GALNT2: variants seen among roughly 807,000 people sequenced by gnomAD.
GALNT2 encodes the protein UDP-GalNAc:polypeptide N-acetylgalactosaminyltransferase 2.
GALNT2 carries 31 observed loss-of-function variants against 81.4 expected under a neutral mutation model. The ratio of observed to expected loss-of-function variants is 0.38; its 90% CI spans 0.29 to 0.51. The LOEUF is 0.51. Ranked by LOEUF, GALNT2 falls within the 20% of genes least tolerant of loss-of-function variation. The pLI is 0.87. For missense variants in GALNT2, 629 were observed against 765.7 expected (o/e 0.82, Z 2.11); for synonymous variants, 303 against 287.4 (o/e 1.05, Z -0.55).
chr1:230,068,817 T>C (rs2102739976), intron 1 of GALNT2, among the ~76,000 whole-genome samples: 1 of 152,318 alleles, frequency 6.6e-6, no homozygotes, highest in South Asian at 2.1e-4. Flanking sequence ...GACATTGTAC[T>C]CTTAGCGTTG....
At chr1:230,085,136 G>C (rs1659860813) in intron 1 of GALNT2, among the ~76,000 whole-genome samples, 1 of 152,126 alleles carries the variant, frequency 6.6e-6, no homozygotes, top group Non-Finnish European at 1.5e-5. Flanking sequence ...GCTCTCTTTA[G>C]CAAAAGTTTT....
At chr1:230,068,011 C>A (rs1461334224) in intron 1 of GALNT2, among the ~76,000 whole-genome samples, 1 of 152,192 alleles carries the variant, frequency 6.6e-6, no homozygotes, top group Non-Finnish European at 1.5e-5. Context: ...TGCGCCCCTG[C>A]GCCCCGAGCG....
At chr1:230,178,745 A>G (rs1021300854) in intron 2 of GALNT2, among the ~76,000 whole-genome samples, 5 of 151,928 alleles carry the variant, frequency 3.3e-5, no homozygotes, top group Non-Finnish European at 7.4e-5. Flanking sequence ...CATTTGTTAC[A>G]ATCCATGAAC....
chr1:230,176,914 G>T (rs569111885), intron 1 of GALNT2, among the ~76,000 whole-genome samples: 1 of 152,316 alleles, frequency 6.6e-6, no homozygotes, highest in Non-Finnish European at 1.5e-5. Context: ...TGGACCCCCG[G>T]CTGCAGAATG....
In GALNT2 at chr1:230,275,199, CAT is replaced by C. The variant is rs1370026436; in HGVS notation, c.1560+643_1560+644del. Among the ~76,000 whole-genome samples the C allele has an allele frequency of 6.6e-6, 1 of 151,248 alleles. No homozygotes were observed. Among genetic ancestry groups the C allele is most frequent in the Non-Finnish European group, 1.5e-5 (1 of 67,786 alleles). ...CACATATATACATATATAAACACCA[CAT>C]ATATATACATATGCATGCCACATAT... On this transcript the variant is annotated intron_variant, in intron 15 of 15. Coordinates refer to ENST00000366672, the MANE Select transcript of GALNT2 (RefSeq NM_004481.5). This position sits in a 1 kb window ranked among gnomAD's most constrained non-coding sequence, Gnocchi z 5.5.
intron 14 of GALNT2, among the ~76,000 whole-genome samples, chr1:230,272,310 G>A (rs1343235945): frequency 2.0e-5 from 3 of 152,094 alleles, no homozygotes; most frequent in Non-Finnish European, 4.4e-5. Flanking sequence ...GAAGGTGGCC[G>A]GCAGGGCTGG....
At chr1:230,112,687 A>G (rs1351745290) in intron 1 of GALNT2, among the ~76,000 whole-genome samples, 3 of 148,376 alleles carry the variant, frequency 2.0e-5, no homozygotes, top group Admixed American at 6.9e-5. Flanking sequence ...AGGAGGAGGG[A>G]GAGGGTGGCT....
At chr1:230,123,222 A>G (rs1661074193) in intron 1 of GALNT2, among the ~76,000 whole-genome samples, 1 of 152,240 alleles carries the variant, frequency 6.6e-6, no homozygotes. Flanking sequence ...GACCAAGAAC[A>G]AAATTTCCAA....
intron 1 of GALNT2, among the ~76,000 whole-genome samples, chr1:230,110,736 A>G (rs1325060626): frequency 8.6e-6 from 1 of 115,928 alleles, no homozygotes. Flanking sequence ...TTTGTCTTCA[A>G]TAGATTTTTC....
At chr1:230,063,692 C>G (rs1217279154), upstream of GALNT2, among the ~76,000 whole-genome samples, 1 of 152,178 alleles carries the variant, frequency 6.6e-6, no homozygotes, top group Non-Finnish European at 1.5e-5. Context: ...CTTTGCAGAT[C>G]AAATCCTAAT....
rs2102783594 is a variant in GALNT2, at chr1:230,275,955, CGT to C, written c.1560+1392_1560+1393del. Among the ~76,000 whole-genome samples the C allele has an allele frequency of 6.8e-6, 1 of 147,478 alleles. No individual in the cohort carries two copies. The highest frequency in any genetic ancestry group is 1.5e-5 in the Non-Finnish European group (1 of 67,116). On this transcript the variant is annotated intron_variant, in intron 15 of 15. Transcript: ENST00000366672. This position sits in a 1 kb window ranked among gnomAD's most constrained non-coding sequence, Gnocchi z 5.5. ...CATATATACATGCCACATATATATA[CGT>C]ATATATACATGCCACATATATATAC...
chr1:230,103,802 C>A (rs1660466032), intron 1 of GALNT2, among the ~76,000 whole-genome samples: 1 of 152,016 alleles, frequency 6.6e-6, no homozygotes, highest in Non-Finnish European at 1.5e-5. Flanking sequence ...AATTCTGAAA[C>A]AAGTTAGCTG....
At chr1:230,245,493 A>T (rs1355303888) in intron 7 of GALNT2, among the ~76,000 whole-genome samples, 1 of 152,096 alleles carries the variant, frequency 6.6e-6, no homozygotes, top group African/African-American at 2.4e-5. Flanking sequence ...AAAAACAAAA[A>T]AGATAGAATT....
intron 1 of GALNT2, among the ~76,000 whole-genome samples, chr1:230,142,700 C>T (rs888842664): frequency 6.6e-5 from 8 of 120,554 alleles, no homozygotes; most frequent in South Asian, 3.0e-4. Context: ...CTAAGCTGGT[C>T]GTTGCCTGCT....
intron 1 of GALNT2, among the ~76,000 whole-genome samples, chr1:230,088,598 C>T (rs1162685342): frequency 3.3e-5 from 5 of 150,136 alleles, no homozygotes; most frequent in South Asian, 4.2e-4. Flanking sequence ...AGTGCAGTGG[C>T]GCTATCTCGG....
intron 3 of GALNT2, among the ~76,000 whole-genome samples, chr1:230,221,358 C>T (rs1664541620): frequency 6.6e-6 from 1 of 152,160 alleles, no homozygotes; most frequent in Admixed American, 6.5e-5. Flanking sequence ...AACCTCCTTG[C>T]TTACTCATTT....
chr1:230,143,739 T>G (rs1346041485), intron 1 of GALNT2, among the ~76,000 whole-genome samples: 1 of 152,250 alleles, frequency 6.6e-6, no homozygotes, highest in African/African-American at 2.4e-5. Flanking sequence ...GTATTGTGCT[T>G]GTCTTTATCT....
chr1:230,262,714 TG>T (rs748872991), intron 12 of GALNT2, 49 bp downstream of exon 12: 20 of 742,900 alleles, frequency 2.7e-5, no homozygotes, highest in South Asian at 2.5e-4. Flanking sequence ...TCTTGGGGTG[TG>T]GGGGTGGGAG....
intron 1 of GALNT2, among the ~76,000 whole-genome samples, chr1:230,089,418 G>A (rs1478131518): frequency 6.6e-6 from 1 of 152,132 alleles, no homozygotes; most frequent in Non-Finnish European, 1.5e-5. Context: ...CTCCCAAAGT[G>A]CTGGGATTAC....
Sources: allele counts gnomAD v4.1 joint callset (sites outside exome capture counted in the v4.1 genomes callset), GRCh38; gene constraint gnomAD v4.1.1; non-coding constraint Gnocchi (gnomAD v3.1); transcripts MANE v1.5; gene names NCBI Gene and HGNC (gene_info 2026-07-23, HGNC 2026-07-21).